Variants in SEC23A observed in about 807,000 individuals in gnomAD.
SEC23A encodes protein transport protein Sec23A.
A neutral mutation model predicts 103.7 loss-of-function variants in SEC23A; 56 were observed. The observed-to-expected ratio is 0.54, with a 90% CI of 0.44 to 0.67. The LOEUF is 0.67. Ranked by LOEUF, SEC23A falls within the 30% of genes least tolerant of loss-of-function variation. The probability of loss-of-function intolerance (pLI) is 0.00; values close to 1 mark genes in which losing one functional copy is unlikely to be tolerated. For missense variants in SEC23A, 784 were observed against 936.4 expected (o/e 0.84, Z 2.12); for synonymous variants, 281 against 293.0 (o/e 0.96, Z 0.42).
chr14:39,088,997 T>A (rs1278357722), intron 5 of SEC23A, among the ~76,000 whole-genome samples: 1 of 150,578 alleles, frequency 6.6e-6, no homozygotes, highest in Admixed American at 6.6e-5. Context: ...TGAAACCCGG[T>A]CTCTACTAAA....
At chr14:39,058,813 G>C (rs144166140) in intron 13 of SEC23A, among the ~76,000 whole-genome samples, 17 of 152,212 alleles carry the variant, frequency 1.1e-4, no homozygotes, top group Admixed American at 2.0e-4. Flanking sequence ...GTTTGGTTTA[G>C]TGTTTTATTA....
At chr14:39,055,094 T>A in intron 14 of SEC23A, 49 bp downstream of exon 14, 4 of 1,607,650 alleles carry the variant, frequency 2.5e-6, no homozygotes, top group Non-Finnish European at 3.4e-6. Flanking sequence ...AAACATTTAC[T>A]ACAAATGAAA....
intron 11 of SEC23A, 71 bp downstream of exon 11, chr14:39,064,842 G>A: frequency 9.0e-7 from 1 of 1,105,534 alleles, no homozygotes; most frequent in Non-Finnish European, 1.4e-6. Flanking sequence ...AGCTTCCCAA[G>A]TACCTGGGAT....
chr14:39,098,281 G>A (rs1010343930), intron 1 of SEC23A, among the ~76,000 whole-genome samples: 1 of 152,026 alleles, frequency 6.6e-6, no homozygotes, highest in African/African-American at 2.4e-5. Flanking sequence ...GGACGTGGGG[G>A]TGAGGGGGAG....
chr14:39,056,949 G>GTTA (rs1454631570), intron 13 of SEC23A, among the ~76,000 whole-genome samples: 1 of 152,076 alleles, frequency 6.6e-6, no homozygotes, highest in Non-Finnish European at 1.5e-5. Flanking sequence ...TATAGTCCCA[G>GTTA]TTATTCAGGA....
rs374670538 is a variant in SEC23A, at chr14:39,032,979, C to G, written c.*260G>C. On this transcript the variant is annotated 3_prime_UTR_variant, in exon 20 of 20. Coordinates refer to ENST00000307712, the MANE Select transcript of SEC23A (RefSeq NM_006364.4). ...GAGGCAGACTCTATTTTTTATTAAACATAATTAAGTTATAAAGACTTCAAA... is the reference window on the plus strand; with the variant it reads ...GAGGCAGACTCTATTTTTTATTAAAGATAATTAAGTTATAAAGACTTCAAA... 9.9e-6 allele frequency: 4 copies of G among 404,302 alleles called. No individual in the cohort carries two copies. The highest frequency in any genetic ancestry group is 1.8e-5 in the Non-Finnish European group (4 of 221,452). The allele number at this position is 404,302 out of a possible 1,614,324, so 25.0% of individuals were successfully genotyped here. A position where few individuals can be genotyped will look rare whatever the true frequency, so the allele number is the denominator to read the frequency against.
rs1489595814 is a variant in SEC23A, at chr14:39,067,157, A to G, written c.1227+16T>C. 1 of 1,613,616 alleles carries G rather than the reference A, an allele frequency of 6.2e-7. No homozygotes were observed. Among genetic ancestry groups the G allele is most frequent in the Admixed American group, 1.7e-5 (1 of 60,032 alleles). On this transcript the variant is annotated intron_variant, in intron 10 of 19. Transcript: ENST00000307712. ...CTTTTGATAACATATCGCACATGTC[A>G]AGTTTTGGTTCTTACCTTTATTTCT...
intron 3 of SEC23A, chr14:39,092,863 GTTTT>G (rs2139289834): frequency 2.0e-6 from 1 of 500,670 alleles, no homozygotes; most frequent in East Asian, 3.7e-5. Flanking sequence ...TTGTTTGTTT[GTTTT>G]GTTTGTTTGT....
In SEC23A at chr14:39,064,959, C is replaced by T; in HGVS notation, c.1262G>A (p.Gly421Glu). Residue 421 changes from glycine to glutamate, a missense_variant, in exon 11 of 20, where the codon GGA (glycine) becomes GAA (glutamate). Physicochemically the swap from Gly to Glu is moderately conservative, Grantham distance 98. This residue lies in a region of SEC23A where 683 missense variants were observed against 774.2 expected (regional missense o/e 0.88). Transcript: ENST00000307712. Reference sequence around the variant, plus strand: ...TTTAGAATTGAGTGACACACAGGGTCCAATAGCTCCTGAAATCTTTATTTC... The same window carrying T: ...TTTAGAATTGAGTGACACACAGGGTTCAATAGCTCCTGAAATCTTTATTTC... ...SREIKISGAI[G>E]PCVSLNSKGP... The T allele has an allele frequency of 6.2e-7, 1 of 1,613,248 alleles. No individual in the cohort carries two copies. Among genetic ancestry groups the T allele is most frequent in the Non-Finnish European group, 8.5e-7 (1 of 1,179,278 alleles).
intron 19 of SEC23A, among the ~76,000 whole-genome samples, chr14:39,038,558 T>C (rs1430750894): frequency 6.6e-6 from 1 of 152,176 alleles, no homozygotes; most frequent in Non-Finnish European, 1.5e-5. Flanking sequence ...TTGCCCAGGC[T>C]GGTCTCAAAC....
chr14:39,072,730 C>T (rs1260826462), intron 9 of SEC23A, among the ~76,000 whole-genome samples: 2 of 152,150 alleles, frequency 1.3e-5, no homozygotes, highest in East Asian at 1.9e-4. Context: ...GAGAGGATTG[C>T]TTGAGCCCTG....
At chr14:39,079,563 T>C (rs1887146368) in intron 7 of SEC23A, among the ~76,000 whole-genome samples, 1 of 152,212 alleles carries the variant, frequency 6.6e-6, no homozygotes, top group African/African-American at 2.4e-5. Flanking sequence ...CTCACACCTG[T>C]AATCCCAGCA....
intron 9 of SEC23A, 151 bp from the exon 10 acceptor site, chr14:39,067,447 T>C: frequency 1.3e-6 from 1 of 795,508 alleles, no homozygotes; most frequent in Non-Finnish European, 2.0e-6. Flanking sequence ...AATATTCAAA[T>C]ATATATGAGA....
At chr14:39,067,318 AC>A (rs747776847) in intron 9 of SEC23A, 22 bp from the exon 10 acceptor site, 13 of 1,612,674 alleles carry the variant, frequency 8.1e-6, no homozygotes, top group Non-Finnish European at 8.5e-7. Flanking sequence ...GAACAAAAAA[AC>A]AACATACTTG....
At chr14:39,053,698 C>T (rs1368634690) in intron 14 of SEC23A, among the ~76,000 whole-genome samples, 2 of 152,096 alleles carry the variant, frequency 1.3e-5, no homozygotes, top group African/African-American at 4.8e-5. Context: ...AAAGCCTACA[C>T]CAACCACACA....
At position 39,067,289 on chromosome 14, in the gene SEC23A, T is replaced by C. The variant is rs1886702387; in HGVS notation, c.1111A>G (p.Met371Val). Residue 371 changes from methionine to valine, a missense_variant, in exon 10 of 20, where the codon ATG becomes GTG. Transcript: ENST00000307712. ...GTATTGAAAGAATCACCCATTACCA[T>C]GTATCCTCTGCATGGAAAGAACAAA... Reference protein sequence around the residue: ...KCCPNLTGGYMVMGDSFNTSL... With the variant: ...KCCPNLTGGYVVMGDSFNTSL... 2 of 1,613,562 alleles carry C rather than the reference T, an allele frequency of 1.2e-6. No individual in the cohort carries two copies. The highest frequency in any genetic ancestry group is 1.3e-5 in the African/African-American group (1 of 75,022).
intron 12 of SEC23A, among the ~76,000 whole-genome samples, chr14:39,062,688 TAA>T (rs1302294507): frequency 6.6e-6 from 1 of 152,118 alleles, no homozygotes; most frequent in Non-Finnish European, 1.5e-5. Context: ...TTTTTGTCAA[TAA>T]GAGTCAATAT....
chr14:39,040,805 T>G lies in SEC23A; in HGVS notation c.2069A>C (p.Asp690Ala). The G allele has an allele frequency of 6.2e-7, 1 of 1,614,226 alleles. No homozygotes were observed. Among genetic ancestry groups the G allele is most frequent in the Non-Finnish European group, 8.5e-7 (1 of 1,180,052 alleles). Residue 690 changes from aspartate (D) to alanine (A), a missense_variant, in exon 18 of 20, where the codon GAT (aspartate) becomes GCT (alanine). Around this residue, in one of 2 missense-constraint regions of SEC23A, gnomAD observed 101 missense variants for 162.2 expected, o/e 0.62. Transcript: ENST00000307712. ...NFRHLLQAPV[D>A]DAQEILHSRF... Reference sequence around the variant, plus strand: ...GGAGTGAAGAATTTCCTGTGCATCATCCACTGGGGCTTGCAGAAGGTGGCG... The same window carrying G: ...GGAGTGAAGAATTTCCTGTGCATCAGCCACTGGGGCTTGCAGAAGGTGGCG...
At chr14:39,097,261 C>G (rs186420094) in intron 1 of SEC23A, among the ~76,000 whole-genome samples, 8 of 152,314 alleles carry the variant, frequency 5.3e-5, no homozygotes, top group African/African-American at 1.9e-4. Context: ...ACAGCTCTAT[C>G]TCATGCTCTC....
Sources: gnomAD v4.1 joint callset for allele counts (sites outside exome capture counted in the v4.1 genomes callset) on GRCh38, gnomAD v4.1.1 for gene constraint, gnomAD v4.1.1 regional missense constraint, MANE v1.5 for transcripts, NCBI Gene and HGNC (gene_info 2026-07-23, HGNC 2026-07-21) for gene names.